The following KLRG2 variants were observed in gnomAD, a reference collection of about 807,000 sequenced individuals.
KLRG2 encodes killer cell lectin-like receptor subfamily G member 2.
In KLRG2, 39 loss-of-function variants were observed where a neutral mutation model predicts 35.4. The observed-to-expected ratio is 1.10, with a 90% confidence interval of 0.85 to 1.44. KLRG2 has a LOEUF of 1.44. Among genes scored for constraint, KLRG2 ranks in the 40% most tolerant of loss-of-function variants. The pLI, the probability that KLRG2 is intolerant of heterozygous loss-of-function variation, is 0.00. For synonymous variants in KLRG2, 283 were observed against 265.8 expected (o/e 1.06, Z -0.63); for missense variants, 632 against 570.9 (o/e 1.11, Z -1.09).
At chr7:139,460,874 G>A (rs192361452) in intron 3 of KLRG2, among the ~76,000 whole-genome samples, 3 of 152,118 alleles carry the variant, frequency 2.0e-5, no homozygotes, top group Non-Finnish European at 2.9e-5. Context: ...CACCAGAATC[G>A]CTTGAACCCG....
downstream of KLRG2, among the ~76,000 whole-genome samples, chr7:139,451,650 T>C (rs570090136): frequency 6.6e-6 from 1 of 152,160 alleles, no homozygotes; most frequent in Non-Finnish European, 1.5e-5. Flanking sequence ...ATTCCTCTAC[T>C]GCGTGCTGGG....
At chr7:139,443,808 C>A in the KLRG2 span, among the ~76,000 whole-genome samples, 1 of 152,156 alleles carries the variant, frequency 6.6e-6, no homozygotes, top group Admixed American at 6.5e-5. Context: ...CCGCCCACCA[C>A]GGCCTGAGAG....
At chr7:139,454,042 A>G in intron 4 of KLRG2, 69 bp downstream of exon 4, 1 of 974,666 alleles carries the variant, frequency 1.0e-6, no homozygotes. Flanking sequence ...AGCAGCAAGG[A>G]GGTGGAGTCT....
chr7:139,476,933 T>G lies in KLRG2; in HGVS notation c.1005+2694A>C, dbSNP rs1374312418. Among the ~76,000 whole-genome samples the G allele has an allele frequency of 2.0e-5, 3 of 152,178 alleles. No individual in the cohort carries two copies. The East Asian group carries it at 5.8e-4, about 29-fold the overall frequency. On this transcript the variant is annotated intron_variant, in intron 3 of 4. Coordinates refer to ENST00000340940, the MANE Select transcript of KLRG2 (RefSeq NM_198508.4). ...ACGTCTGCCTCACTCACTGCTGTCT[T>G]AGCTTTGTCAAGGTGGGGGCTGTGC...
At chr7:139,454,614 G>A (rs1402262005) in intron 3 of KLRG2, among the ~76,000 whole-genome samples, 1 of 151,572 alleles carries the variant, frequency 6.6e-6, no homozygotes, top group Non-Finnish European at 1.5e-5. Flanking sequence ...CCAGGAGTTC[G>A]AGACCGGCCT....
chr7:139,441,612 TA>T, the KLRG2 span, among the ~76,000 whole-genome samples: 4,507 of 144,928 alleles, frequency 0.031, 91 homozygotes, highest in South Asian at 0.069. Flanking sequence ...ACTTAAAGTA[TA>T]AAAAAAAAAA....
At chr7:139,432,658 C>T in the KLRG2 span, among the ~76,000 whole-genome samples, 4 of 150,666 alleles carry the variant, frequency 2.7e-5, no homozygotes, top group African/African-American at 9.8e-5. Flanking sequence ...TGGGTTCAAG[C>T]GCCACATCTG....
chr7:139,463,173 A>G (rs1796596228), intron 3 of KLRG2, among the ~76,000 whole-genome samples: 1 of 152,204 alleles, frequency 6.6e-6, no homozygotes, highest in South Asian at 2.1e-4. Context: ...ATCAAATAGA[A>G]AAACCCAGCC....
At chr7:139,432,074 GA>G in the KLRG2 span, among the ~76,000 whole-genome samples, 1 of 151,798 alleles carries the variant, frequency 6.6e-6, no homozygotes, top group East Asian at 1.9e-4. Flanking sequence ...AGTCAGTCCT[GA>G]CCAGGCACGG....
chr7:139,455,068 G>T (rs1796446074), intron 3 of KLRG2, among the ~76,000 whole-genome samples: 1 of 150,714 alleles, frequency 6.6e-6, no homozygotes, highest in Non-Finnish European at 1.5e-5. Flanking sequence ...ACCCAGGCTG[G>T]AGTGCAGTGG....
At chr7:139,431,372 TAC>T in the KLRG2 span, among the ~76,000 whole-genome samples, 1 of 152,190 alleles carries the variant, frequency 6.6e-6, no homozygotes, top group Non-Finnish European at 1.5e-5. Flanking sequence ...TTAAAATAGA[TAC>T]ACTTTCTTCA....
chr7:139,466,769 G>A (rs980462467), intron 3 of KLRG2, among the ~76,000 whole-genome samples: 3 of 128,172 alleles, frequency 2.3e-5, no homozygotes, highest in African/African-American at 6.9e-5. Context: ...AAAGGGGGGG[G>A]TACTCTGTAT....
chr7:139,472,397 TC>T (rs11355876), intron 3 of KLRG2, among the ~76,000 whole-genome samples: 22,919 of 151,822 alleles, frequency 0.15, 2,210 homozygotes, highest in African/African-American at 0.27. Flanking sequence ...TATTTAAAAC[TC>T]TTAAATAAAA....
At chr7:139,454,063 G>T (rs1399703798) in intron 4 of KLRG2, 48 bp downstream of exon 4, 5 of 1,128,870 alleles carry the variant, frequency 4.4e-6, no homozygotes, top group Non-Finnish European at 6.5e-6. Context: ...GGGGAGAAAT[G>T]GAGGATCCAG....
chr7:139,479,600 C>T (rs1203027903), intron 3 of KLRG2, 27 bp downstream of exon 3: 3 of 1,604,900 alleles, frequency 1.9e-6, no homozygotes, highest in African/African-American at 2.7e-5. Context: ...GATCTGTACC[C>T]CCTTAGATTG....
chr7:139,455,735 T>A (rs1796467306), intron 3 of KLRG2, among the ~76,000 whole-genome samples: 1 of 152,200 alleles, frequency 6.6e-6, no homozygotes, highest in Non-Finnish European at 1.5e-5. Context: ...TTCTGAAATG[T>A]CGTTTGGTGC....
the KLRG2 span, among the ~76,000 whole-genome samples, chr7:139,427,451 C>G: frequency 1.3e-5 from 2 of 152,206 alleles, no homozygotes; most frequent in African/African-American, 4.8e-5. Context: ...GCCAGCCAAG[C>G]AGAAGTCAAA....
chr7:139,427,790 C>T, the KLRG2 span, among the ~76,000 whole-genome samples: 2 of 152,160 alleles, frequency 1.3e-5, no homozygotes, highest in African/African-American at 2.4e-5. Context: ...CCTACATAGA[C>T]GATGCCCGAT....
chr7:139,479,982 G>A (rs1335098376), intron 2 of KLRG2, among the ~76,000 whole-genome samples, 164 bp downstream of exon 2: 1 of 152,200 alleles, frequency 6.6e-6, no homozygotes, highest in Non-Finnish European at 1.5e-5. Flanking sequence ...GTATCCAGTG[G>A]GAGGAAGGCA....
Sources: allele counts gnomAD v4.1 joint callset (sites outside exome capture counted in the v4.1 genomes callset), GRCh38; gene constraint gnomAD v4.1.1; transcripts MANE v1.5; gene names NCBI Gene and HGNC (gene_info 2026-07-23, HGNC 2026-07-21).